Variants in JAKMIP2 observed in about 807,000 individuals in gnomAD.
JAKMIP2 encodes the protein janus kinase and microtubule-interacting protein 2.
In JAKMIP2, 25 loss-of-function variants were observed where a neutral mutation model predicts 115.0. The observed-to-expected ratio is 0.22, with a 90% CI of 0.16 to 0.30. JAKMIP2 has a LOEUF of 0.30. Ranked by LOEUF, JAKMIP2 falls within the 10% of genes least tolerant of loss-of-function variation. JAKMIP2 has a pLI of 1.00. For missense variants in JAKMIP2, 642 were observed against 957.6 expected, an observed-to-expected ratio of 0.67 and a Z score of 4.35; for synonymous variants, 334 against 343.6, an observed-to-expected ratio of 0.97 and a Z score of 0.31.
chr5:147,602,451 T>G (rs974288955), intron 20 of JAKMIP2, among the ~76,000 whole-genome samples: 6 of 152,168 alleles, frequency 3.9e-5, no homozygotes, highest in Non-Finnish European at 5.9e-5. Context: ...GTCATGCTAT[T>G]GGTATAAAAC....
chr5:147,672,604 C>G lies in JAKMIP2; in HGVS notation c.-148-650G>C, dbSNP rs184132239. 2.6e-3 allele frequency among the ~76,000 whole-genome samples: 393 copies of G among 152,244 alleles called. 3 individuals carry two copies. The highest frequency in any genetic ancestry group is 4.1e-3 in the Non-Finnish European group (282 of 68,016). ...TATCTATCAACGATCTATCTATCTA[C>G]GTCACCATCCATAATCTGATAAGAG... is the stretch of plus-strand genomic sequence containing the variant. On this transcript the variant is annotated intron_variant, in intron 1 of 21. Transcript: ENST00000616793.
At chr5:147,605,970 T>A (rs1755989779) in intron 20 of JAKMIP2, among the ~76,000 whole-genome samples, 1 of 152,152 alleles carries the variant, frequency 6.6e-6, no homozygotes, top group African/African-American at 2.4e-5. Flanking sequence ...GTTGGCTGCA[T>A]TATGTCTTAT....
At position 147,672,430 on chromosome 5, in the gene JAKMIP2, G is replaced by A. The variant is rs982794298; in HGVS notation, c.-148-476C>T. On this transcript the variant is annotated intron_variant, in intron 1 of 21. Coordinates refer to ENST00000616793, the MANE Select transcript of JAKMIP2 (RefSeq NM_001270941.2). The stretch of plus-strand genomic sequence containing the variant: ...GGGGAATAACTATAAATGAATCACC[G>A]GATTAACTGAGTCACTCATATATTC... 7.9e-5 allele frequency among the ~76,000 whole-genome samples: 12 copies of A among 152,256 alleles called. No individual in the cohort carries two copies. The East Asian group carries it at 9.7e-4, about 12-fold the overall frequency.
intron 20 of JAKMIP2, among the ~76,000 whole-genome samples, chr5:147,609,541 T>G (rs1407676400): frequency 1.3e-5 from 2 of 152,218 alleles, no homozygotes; most frequent in Middle Eastern, 3.2e-3. Context: ...TGCTGAGAGA[T>G]CCACTGTTAG....
intron 1 of JAKMIP2, among the ~76,000 whole-genome samples, chr5:147,752,154 G>A (rs1380030015): frequency 6.6e-6 from 1 of 152,178 alleles, no homozygotes; most frequent in Non-Finnish European, 1.5e-5. Flanking sequence ...TGATACATAA[G>A]GAGGAATCAG....
At chr5:147,724,839 A>G (rs1018351651) in intron 1 of JAKMIP2, among the ~76,000 whole-genome samples, 1 of 151,912 alleles carries the variant, frequency 6.6e-6, no homozygotes, top group African/African-American at 2.4e-5. Context: ...TAGATAAAAA[A>G]CAAGGAAGGA....
chr5:147,632,659 T>A (rs1404203331), intron 13 of JAKMIP2, 21 bp downstream of exon 13: 1 of 1,422,690 alleles, frequency 7.0e-7, no homozygotes, highest in Non-Finnish European at 9.9e-7. Flanking sequence ...ATTTTTATTA[T>A]TATCATCATC....
intron 1 of JAKMIP2, among the ~76,000 whole-genome samples, chr5:147,770,193 T>C (rs1424618972): frequency 2.0e-5 from 3 of 152,132 alleles, no homozygotes; most frequent in East Asian, 3.9e-4. Flanking sequence ...TTCTACAACA[T>C]ACTGTTTAAA....
chr5:147,706,630 C>A (rs547709937), intron 1 of JAKMIP2, among the ~76,000 whole-genome samples: 1 of 152,062 alleles, frequency 6.6e-6, no homozygotes, highest in Non-Finnish European at 1.5e-5. Flanking sequence ...TACCATTTAT[C>A]CTAAAAATTA....
At chr5:147,641,673 GT>G in intron 8 of JAKMIP2, 34 bp downstream of exon 8, 1 of 1,490,462 alleles carries the variant, frequency 6.7e-7, no homozygotes, top group Non-Finnish European at 9.4e-7. Context: ...CTGGCTGTTT[GT>G]GGCAAATGCC....
Position 147,607,433 on chromosome 5 carries a change from A to G in JAKMIP2, c.2412+4873T>C, listed in dbSNP as rs1467729570. 3.9e-5 allele frequency among the ~76,000 whole-genome samples: 6 copies of G among 152,202 alleles called. 1 individual carries two copies. The highest frequency in any genetic ancestry group is 3.9e-4 in the Admixed American group (6 of 15,290). On this transcript the variant is annotated intron_variant, in intron 20 of 21. Coordinates refer to ENST00000616793, the MANE Select transcript of JAKMIP2 (RefSeq NM_001270941.2). Reference sequence around the variant, plus strand: ...CTTTTCTGCATCTATTGAGATAATCATGTGGTTTTTGTCATTGGTTCTGTT... The same window carrying G: ...CTTTTCTGCATCTATTGAGATAATCGTGTGGTTTTTGTCATTGGTTCTGTT...
chr5:147,634,488 CTT>C (rs1757515233), intron 12 of JAKMIP2, among the ~76,000 whole-genome samples: 1 of 152,118 alleles, frequency 6.6e-6, no homozygotes, highest in Non-Finnish European at 1.5e-5. Context: ...TAGAAGTTAA[CTT>C]AACATTATAA....
At chr5:147,732,444 T>C (rs1377680752) in intron 1 of JAKMIP2, among the ~76,000 whole-genome samples, 3 of 152,234 alleles carry the variant, frequency 2.0e-5, no homozygotes, top group Non-Finnish European at 2.9e-5. Context: ...CAGCGTTCTA[T>C]TCACAGCTGC....
chr5:147,761,259 T>C (rs1754920626), intron 1 of JAKMIP2, among the ~76,000 whole-genome samples: 2 of 152,142 alleles, frequency 1.3e-5, no homozygotes, highest in African/African-American at 4.8e-5. Context: ...GCTCCTGTAT[T>C]AATTCTTCAT....
chr5:147,722,877 C>A (rs1360561944), intron 1 of JAKMIP2, among the ~76,000 whole-genome samples: 1 of 151,682 alleles, frequency 6.6e-6, no homozygotes, highest in African/African-American at 2.4e-5. Flanking sequence ...TTTTTTTTAT[C>A]CCTCTGCATC....
At chr5:147,666,582 A>G (rs1759309187) in intron 2 of JAKMIP2, among the ~76,000 whole-genome samples, 2 of 152,188 alleles carry the variant, frequency 1.3e-5, no homozygotes, top group South Asian at 4.1e-4. Context: ...TTTCATCACA[A>G]GTTGTGATAA....
At chr5:147,720,246 G>A (rs1003028946) in intron 1 of JAKMIP2, among the ~76,000 whole-genome samples, 1 of 152,042 alleles carries the variant, frequency 6.6e-6, no homozygotes, top group Non-Finnish European at 1.5e-5. Context: ...TTCCCTTTGA[G>A]GGTAACCCGA....
chr5:147,692,148 T>C (rs971982897), intron 1 of JAKMIP2, among the ~76,000 whole-genome samples: 10 of 152,142 alleles, frequency 6.6e-5, no homozygotes, highest in Non-Finnish European at 1.5e-5. Flanking sequence ...GATGTCCTTT[T>C]AAAAAGGAAA....
Position 147,698,970 on chromosome 5 carries a change from TCA to T in JAKMIP2, c.-148-27018_-148-27017del, listed in dbSNP as rs539922679. The stretch of plus-strand genomic sequence containing the variant: ...GGCTCTTCACAGTCTGGCTTGAACC[TCA>T]TTTATCACAATCTACGTTATCTAAG... On this transcript the variant is annotated intron_variant, in intron 1 of 21. Transcript: ENST00000616793. Among the ~76,000 whole-genome samples the T allele has an allele frequency of 2.2e-3, 329 of 152,278 alleles. 3 individuals are homozygous for T. Among genetic ancestry groups the T allele is most frequent in the African/African-American group, 7.4e-3 (308 of 41,560 alleles).
Sources: allele counts gnomAD v4.1 joint callset (sites outside exome capture counted in the v4.1 genomes callset), GRCh38; gene constraint gnomAD v4.1.1; transcripts MANE v1.5; gene names NCBI Gene and HGNC (gene_info 2026-07-23, HGNC 2026-07-21).